The following SPRED1 variants were observed in gnomAD, a reference collection of about 807,000 sequenced individuals.
SPRED1 encodes sprouty related EVH1 domain containing 1.
In SPRED1, 18 loss-of-function variants were observed where a neutral mutation model predicts 52.3. The observed-to-expected ratio is 0.34, with a 90% CI of 0.24 to 0.51. The LOEUF is 0.51. Ranked by LOEUF, SPRED1 falls within the 20% of genes least tolerant of loss-of-function variation. The pLI is 0.97. For synonymous variants in SPRED1, 155 were observed against 179.7 expected, an observed-to-expected ratio of 0.86 and a Z score of 1.10; for missense variants, 485 against 551.0, an observed-to-expected ratio of 0.88 and a Z score of 1.20.
chr15:38,277,382 C>T (rs1007762776), intron 1 of SPRED1, among the ~76,000 whole-genome samples: 6 of 152,112 alleles, frequency 3.9e-5, no homozygotes, highest in African/African-American at 1.4e-4. Flanking sequence ...GTTTTCTATT[C>T]ATTCATTAGT....
chr15:38,300,490 T>C (rs943095853), intron 2 of SPRED1, among the ~76,000 whole-genome samples: 3 of 152,194 alleles, frequency 2.0e-5, no homozygotes, highest in Non-Finnish European at 4.4e-5. Flanking sequence ...AGTTTGAATA[T>C]GACTTACTTT....
intron 4 of SPRED1, among the ~76,000 whole-genome samples, chr15:38,331,316 G>A (rs528266436): frequency 6.6e-6 from 1 of 151,970 alleles, no homozygotes; most frequent in African/African-American, 2.4e-5. Context: ...TGTATTTACA[G>A]TCTTTGTGCC....
rs1044743498 is a variant in SPRED1 at position 38,355,083 on chromosome 15, G to A, written c.*3419G>A. 55 of 152,472 alleles carry A rather than the reference G, an allele frequency of 3.6e-4. No individual in the cohort carries two copies. Among genetic ancestry groups the A allele is most frequent in the Middle Eastern group, 6.8e-3 (2 of 296 alleles). The allele number at this position is 152,472 out of a possible 1,614,324, so 9.4% of individuals were successfully genotyped here. ...CGATTCTCCTGCCTCAGCCTCCCAA[G>A]TAGCTGGGATTACAGGCACCCACCA... On this transcript the variant is annotated 3_prime_UTR_variant, in exon 7 of 7. Transcript: ENST00000299084.
At chr15:38,299,214 T>G (rs1224725964) in intron 1 of SPRED1, 159 bp from the exon 2 acceptor site, 7 of 853,842 alleles carry the variant, frequency 8.2e-6, no homozygotes, top group Admixed American at 1.8e-5. Context: ...TTTTGACCTC[T>G]TTCAAGTAGG....
intron 3 of SPRED1, 59 bp downstream of exon 3, chr15:38,322,468 C>G: frequency 6.3e-7 from 1 of 1,578,648 alleles, no homozygotes; most frequent in Non-Finnish European, 8.7e-7. Flanking sequence ...TAGAGGTTAT[C>G]TTTCTTAAAG....
intron 2 of SPRED1, among the ~76,000 whole-genome samples, chr15:38,316,756 T>TTG (rs1595743723): frequency 6.8e-6 from 1 of 146,110 alleles, no homozygotes; most frequent in East Asian, 2.0e-4. Context: ...ATGTTTTTTT[T>TTG]TTTTTTTTTT....
chr15:38,334,905 C>T (rs1451162716), intron 4 of SPRED1, among the ~76,000 whole-genome samples: 4 of 147,522 alleles, frequency 2.7e-5, no homozygotes, highest in Non-Finnish European at 3.0e-5. Context: ...TTTTTTTTTC[C>T]AGTGCCATTA....
intron 1 of SPRED1, among the ~76,000 whole-genome samples, chr15:38,270,033 G>A (rs549790123): frequency 7.3e-4 from 110 of 150,842 alleles, no homozygotes; most frequent in Non-Finnish European, 1.4e-3. Context: ...TCAGCCTCCC[G>A]AGTAGCTGGG....
In SPRED1 at chr15:38,356,443, G is replaced by A. The variant is rs1277982736; in HGVS notation, c.*4779G>A. 3.3e-5 allele frequency: 5 copies of A among 151,948 alleles called. No homozygotes were observed. Among genetic ancestry groups the A allele is most frequent in the African/African-American group, 1.2e-4 (5 of 41,382 alleles). 9.4% of individuals were successfully genotyped at this position (151,948 alleles called of 1,614,324 possible). ...CTCCTGGAATTACCTGATTAAACCT[G>A]TCATGAATTATAAAAGGACTTTTTC... On this transcript the variant is annotated 3_prime_UTR_variant, in exon 7 of 7. Transcript: ENST00000299084.
At chr15:38,284,212 C>T (rs1249052297) in intron 1 of SPRED1, among the ~76,000 whole-genome samples, 1 of 152,048 alleles carries the variant, frequency 6.6e-6, no homozygotes, top group Non-Finnish European at 1.5e-5. Flanking sequence ...ATAGTAGTGG[C>T]TGAAAATTTA....
intron 1 of SPRED1, among the ~76,000 whole-genome samples, chr15:38,295,883 A>G (rs1163145783): frequency 6.6e-6 from 1 of 150,670 alleles, no homozygotes; most frequent in East Asian, 2.0e-4. Context: ...ATTAGCATGT[A>G]TGCATCTATA....
chr15:38,316,036 T>C (rs1175167996), intron 2 of SPRED1, among the ~76,000 whole-genome samples: 1 of 152,072 alleles, frequency 6.6e-6, no homozygotes, highest in Non-Finnish European at 1.5e-5. Context: ...TACACAGTAG[T>C]AACTGTTTTC....
chr15:38,292,904 T>C (rs1011570304), intron 1 of SPRED1, among the ~76,000 whole-genome samples: 1 of 152,178 alleles, frequency 6.6e-6, no homozygotes, highest in Non-Finnish European at 1.5e-5. Context: ...TGTAGTAACA[T>C]AAAGTTGATT....
chr15:38,259,263 T>C lies in SPRED1; in HGVS notation c.32+6046T>C, dbSNP rs78311783. 5.5e-4 allele frequency among the ~76,000 whole-genome samples: 84 copies of C among 152,304 alleles called. 1 individual carries two copies. The East Asian group carries it at 0.015, about 28-fold the overall frequency. Reference sequence around the variant, plus strand: ...ATTTTGTTTTTTATGTATTTATTTATTTTAAAGAGGCAGGGTCTTGCAGTG... The same window carrying C: ...ATTTTGTTTTTTATGTATTTATTTACTTTAAAGAGGCAGGGTCTTGCAGTG... On this transcript the variant is annotated intron_variant, in intron 1 of 6. Coordinates refer to ENST00000299084, the MANE Select transcript of SPRED1 (RefSeq NM_152594.3).
Position 38,255,946 on chromosome 15 carries a change from C to G in SPRED1, c.32+2729C>G, listed in dbSNP as rs148484705. On this transcript the variant is annotated intron_variant, in intron 1 of 6. Coordinates refer to ENST00000299084, the MANE Select transcript of SPRED1 (RefSeq NM_152594.3). ...GAAACCATTAACCCTTTCTAGATAG[C>G]CATTGTGGTAAAATCCAGTAGGGCC... Among the ~76,000 whole-genome samples, 591 of 152,164 alleles carry G rather than the reference C, an allele frequency of 3.9e-3. 15 individuals carry two copies. Among genetic ancestry groups the G allele is most frequent in the Admixed American group, 0.035 (530 of 15,282 alleles).
At chr15:38,278,742 T>C (rs1409109564) in intron 1 of SPRED1, among the ~76,000 whole-genome samples, 2 of 141,158 alleles carry the variant, frequency 1.4e-5, no homozygotes, top group African/African-American at 2.6e-5. Context: ...TAAATAGTTA[T>C]ACGGCATTTC....
At chr15:38,324,842 T>G in intron 4 of SPRED1, 33 bp downstream of exon 4, 4 of 1,568,216 alleles carry the variant, frequency 2.6e-6, no homozygotes, top group South Asian at 2.2e-5. Context: ...TTTGTAAACA[T>G]AAAGGATGTG....
At chr15:38,305,206 C>A (rs1018264943) in intron 2 of SPRED1, among the ~76,000 whole-genome samples, 1 of 151,982 alleles carries the variant, frequency 6.6e-6, no homozygotes, top group African/African-American at 2.4e-5. Context: ...GGGGCAGACA[C>A]CTGTAATCCC....
At chr15:38,337,617 A>G (rs1895947495) in intron 4 of SPRED1, among the ~76,000 whole-genome samples, 1 of 152,192 alleles carries the variant, frequency 6.6e-6, no homozygotes. Flanking sequence ...AAAGTATTAT[A>G]TTTAAAGTAA....
Sources: gnomAD v4.1 joint callset for allele counts (sites outside exome capture counted in the v4.1 genomes callset) on GRCh38, gnomAD v4.1.1 for gene constraint, MANE v1.5 for transcripts, NCBI Gene and HGNC (gene_info 2026-07-23, HGNC 2026-07-21) for gene names.